Variants in SLC35F1 observed in about 807,000 individuals in gnomAD.
SLC35F1 encodes solute carrier family 35 member F1.
In SLC35F1, 14 loss-of-function variants were observed where a neutral mutation model predicts 48.7. That is an observed-to-expected ratio of 0.29 (90% CI 0.19 to 0.45). SLC35F1 has a LOEUF of 0.45. SLC35F1 is among the 20% of genes least tolerant of loss of function. The pLI is 1.00. For missense variants in SLC35F1, 404 were observed against 500.0 expected (o/e 0.81, Z 1.83); for synonymous variants, 190 against 202.2 (o/e 0.94, Z 0.51).
rs542072856 is a variant in SLC35F1 at position 118,078,281 on chromosome 6, A to T, written c.174-76164A>T. 6.6e-5 allele frequency among the ~76,000 whole-genome samples: 10 copies of T among 152,350 alleles called. No individual in the cohort carries two copies. In the East Asian group the frequency reaches 1.7e-3, roughly 26 times the overall value. Reference sequence around the variant, plus strand: ...ATACAATGAAAGTCAAAGAGATAGAAAACCTCATAGACCACTAATAAAAAA... The same window carrying T: ...ATACAATGAAAGTCAAAGAGATAGATAACCTCATAGACCACTAATAAAAAA... On this transcript the variant is annotated intron_variant, in intron 1 of 7. Coordinates refer to ENST00000360388, the MANE Select transcript of SLC35F1 (RefSeq NM_001029858.4).
intron 1 of SLC35F1, among the ~76,000 whole-genome samples, chr6:118,035,834 G>GC (rs111877977): frequency 1.5e-5 from 2 of 133,330 alleles, no homozygotes; most frequent in Admixed American, 7.5e-5. Flanking sequence ...GACTACAGGC[G>GC]CCCCCCCAAC....
chr6:118,267,262 T>C, intron 4 of SLC35F1, 108 bp downstream of exon 4: 1 of 1,287,422 alleles, frequency 7.8e-7, no homozygotes, highest in South Asian at 1.4e-5. Context: ...AACCTGGATT[T>C]CCCACTATCT....
intron 1 of SLC35F1, among the ~76,000 whole-genome samples, chr6:117,942,296 G>A (rs1776243046): frequency 6.6e-6 from 1 of 152,142 alleles, no homozygotes; most frequent in African/African-American, 2.4e-5. Context: ...GACACTGAGA[G>A]CTTAGATATT....
intron 1 of SLC35F1, among the ~76,000 whole-genome samples, chr6:117,938,319 ACT>A (rs1776185627): frequency 6.6e-6 from 1 of 152,182 alleles, no homozygotes; most frequent in Non-Finnish European, 1.5e-5. Context: ...AAAAAAAGTC[ACT>A]CTTATGATTT....
At chr6:118,018,372 GA>G (rs887148497) in intron 1 of SLC35F1, among the ~76,000 whole-genome samples, 6 of 146,916 alleles carry the variant, frequency 4.1e-5, no homozygotes, top group Admixed American at 6.8e-5. Context: ...CTCTGTCTCG[GA>G]AAAAAAAAGA....
intron 2 of SLC35F1, among the ~76,000 whole-genome samples, chr6:118,220,720 C>T (rs558232651): frequency 4.9e-4 from 75 of 152,268 alleles, no homozygotes; most frequent in African/African-American, 1.7e-3. Flanking sequence ...AGTTTAAAAA[C>T]CAGACTAGAC....
chr6:118,151,296 A>C (rs1050887087), intron 1 of SLC35F1, among the ~76,000 whole-genome samples: 2 of 151,868 alleles, frequency 1.3e-5, no homozygotes, highest in Non-Finnish European at 2.9e-5. Context: ...CAGTATTTTC[A>C]CCATCACTTT....
chr6:117,996,961 C>T (rs1284436564), intron 1 of SLC35F1, among the ~76,000 whole-genome samples: 9 of 152,078 alleles, frequency 5.9e-5, no homozygotes, highest in East Asian at 1.9e-4. Context: ...AGGCTTCAGA[C>T]GATCAAACTA....
At chr6:117,947,395 A>G (rs1300127278) in intron 1 of SLC35F1, among the ~76,000 whole-genome samples, 1 of 152,178 alleles carries the variant, frequency 6.6e-6, no homozygotes, top group East Asian at 1.9e-4. Context: ...AAACCATTGT[A>G]AAGACTTTGG....
At chr6:117,980,187 A>T (rs928682478) in intron 1 of SLC35F1, among the ~76,000 whole-genome samples, 3 of 152,146 alleles carry the variant, frequency 2.0e-5, no homozygotes, top group East Asian at 1.9e-4. Flanking sequence ...GAGGGGGGAA[A>T]CTTCAGAAAT....
chr6:118,260,130 C>T (rs1367038152), intron 3 of SLC35F1, among the ~76,000 whole-genome samples: 1 of 152,072 alleles, frequency 6.6e-6, no homozygotes, highest in Non-Finnish European at 1.5e-5. Context: ...CAAAGGGTCA[C>T]ATATTGTATG....
chr6:118,189,893 T>C (rs1774708973), intron 2 of SLC35F1, among the ~76,000 whole-genome samples: 1 of 152,174 alleles, frequency 6.6e-6, no homozygotes, highest in Non-Finnish European at 1.5e-5. Flanking sequence ...TGAACACAGT[T>C]TGAACACTTG....
chr6:118,041,503 G>T (rs117729848), intron 1 of SLC35F1, among the ~76,000 whole-genome samples: 273 of 152,170 alleles, frequency 1.8e-3, no homozygotes, highest in Non-Finnish European at 2.9e-3. Context: ...CAGTATCCTA[G>T]ATATTGGAGA....
intron 2 of SLC35F1, among the ~76,000 whole-genome samples, chr6:118,227,737 A>G (rs932166031): frequency 6.6e-6 from 1 of 152,230 alleles, no homozygotes; most frequent in Non-Finnish European, 1.5e-5. Flanking sequence ...ACAAAACAAA[A>G]AAGAATGAAA....
intron 2 of SLC35F1, among the ~76,000 whole-genome samples, chr6:118,199,893 C>G (rs1774851073): frequency 6.6e-6 from 1 of 152,250 alleles, no homozygotes; most frequent in South Asian, 2.1e-4. Context: ...TTTTTCCTTA[C>G]AACCACATTG....
At chr6:118,166,797 T>C (rs180828143) in intron 2 of SLC35F1, among the ~76,000 whole-genome samples, 5 of 152,306 alleles carry the variant, frequency 3.3e-5, no homozygotes, top group East Asian at 3.9e-4. Context: ...AGGAAAGTCA[T>C]TGGTGAACGT....
intron 2 of SLC35F1, among the ~76,000 whole-genome samples, chr6:118,171,886 C>G (rs1262488839): frequency 6.6e-6 from 1 of 151,626 alleles, no homozygotes; most frequent in East Asian, 1.9e-4. Context: ...TGAATTAGTG[C>G]AAAAAAAGGG....
intron 2 of SLC35F1, among the ~76,000 whole-genome samples, chr6:118,190,927 C>T (rs191743624): frequency 1.3e-5 from 2 of 152,240 alleles, no homozygotes; most frequent in African/African-American, 2.4e-5. Flanking sequence ...TTTCCTGTTT[C>T]GCCAATTCTA....
At chr6:118,023,140 C>T (rs918931749) in intron 1 of SLC35F1, among the ~76,000 whole-genome samples, 1 of 152,036 alleles carries the variant, frequency 6.6e-6, no homozygotes, top group East Asian at 1.9e-4. Flanking sequence ...AATATGTGGG[C>T]TTGGTAAAAT....
Sources: gnomAD v4.1 joint callset for allele counts (sites outside exome capture counted in the v4.1 genomes callset) on GRCh38, gnomAD v4.1.1 for gene constraint, MANE v1.5 for transcripts, NCBI Gene and HGNC (gene_info 2026-07-23, HGNC 2026-07-21) for gene names.